The following DAB1 variants were observed in gnomAD, a reference collection of about 807,000 sequenced individuals.
The protein encoded by DAB1 is DAB adaptor protein 1, also known as disabled homolog 1.
DAB1 carries 15 observed loss-of-function variants against 64.6 expected under a neutral mutation model. The ratio of observed to expected loss-of-function variants is 0.23; its 90% CI spans 0.16 to 0.36. DAB1 has a LOEUF of 0.36. Among genes scored for constraint, DAB1 ranks in the 10% least tolerant of loss-of-function variants. The pLI, the probability that DAB1 is intolerant of heterozygous loss-of-function variation, is 1.00. For synonymous variants in DAB1, 235 were observed against 251.9 expected (o/e 0.93, Z 0.64); for missense variants, 596 against 706.7 (o/e 0.84, Z 1.78).
At chr1:57,793,588 T>C (rs1205099958) in intron 6 of DAB1, among the ~76,000 whole-genome samples, 2 of 152,162 alleles carry the variant, frequency 1.3e-5, no homozygotes, top group Non-Finnish European at 2.9e-5. Context: ...TGGTCAGTGT[T>C]GCATGGCAAG....
At chr1:57,902,162 A>AAAAAAAAAAG (rs1372182202) in intron 5 of DAB1, among the ~76,000 whole-genome samples, 3 of 151,680 alleles carry the variant, frequency 2.0e-5, no homozygotes, top group African/African-American at 7.3e-5. Flanking sequence ...GTCTCAAAAA[A>AAAAAAAAAAG]AAAAAAAAAA....
At chr1:58,319,113 G>A (rs1444133654) in intron 4 of DAB1, among the ~76,000 whole-genome samples, 1 of 152,056 alleles carries the variant, frequency 6.6e-6, no homozygotes, top group Non-Finnish European at 1.5e-5. Flanking sequence ...CTATAGTGGG[G>A]AGTGGTGTGT....
intron 5 of DAB1, among the ~76,000 whole-genome samples, chr1:57,912,273 G>T (rs536029923): frequency 1.2e-3 from 179 of 152,156 alleles, no homozygotes; most frequent in African/African-American, 4.2e-3. Flanking sequence ...ATCTAATTTC[G>T]TGGGTCTGTC....
chr1:57,653,377 T>C (rs1415340325), intron 6 of DAB1, among the ~76,000 whole-genome samples: 2 of 152,226 alleles, frequency 1.3e-5, no homozygotes, highest in East Asian at 1.9e-4. Context: ...TTTTCTAATA[T>C]TATATTTTCA....
chr1:57,857,336 C>T, intron 1 of DAB1, among the ~76,000 whole-genome samples: 1 of 152,120 alleles, frequency 6.6e-6, no homozygotes, highest in East Asian at 1.9e-4. Flanking sequence ...CTCTGAATGA[C>T]TAAATGACAC....
chr1:57,142,339 C>T (rs1443626034), intron 3 of DAB1, among the ~76,000 whole-genome samples: 1 of 152,142 alleles, frequency 6.6e-6, no homozygotes, highest in Non-Finnish European at 1.5e-5. Context: ...TTGTACTTCT[C>T]TCTTACTTTC....
At chr1:57,232,552 A>C (rs1569986806) in intron 2 of DAB1, among the ~76,000 whole-genome samples, 1 of 152,140 alleles carries the variant, frequency 6.6e-6, no homozygotes, top group East Asian at 1.9e-4. Flanking sequence ...TAACAGACTA[A>C]ATGTATCTTA....
At chr1:57,811,954 A>C (rs1338441379) in intron 6 of DAB1, among the ~76,000 whole-genome samples, 1 of 152,186 alleles carries the variant, frequency 6.6e-6, no homozygotes, top group African/African-American at 2.4e-5. Flanking sequence ...GGAAGTCACC[A>C]AAGGACTTCA....
intron 6 of DAB1, among the ~76,000 whole-genome samples, chr1:57,746,474 T>A: frequency 6.6e-6 from 1 of 152,162 alleles, no homozygotes; most frequent in Non-Finnish European, 1.5e-5. Context: ...GTTGAGAGTA[T>A]GTTTATCTGC....
intron 6 of DAB1, among the ~76,000 whole-genome samples, chr1:57,768,073 A>C (rs920049721): frequency 2.0e-5 from 3 of 147,274 alleles, no homozygotes; most frequent in Non-Finnish European, 4.5e-5. Flanking sequence ...GCTACTTGGG[A>C]GGCTGAAGTA....
At chr1:58,107,358 C>A (rs12088082) in intron 5 of DAB1, among the ~76,000 whole-genome samples, 30,444 of 149,714 alleles carry the variant, frequency 0.2, 3,365 homozygotes, top group East Asian at 0.38. Flanking sequence ...GTAATCCCCG[C>A]TACTCGGGAG....
chr1:57,322,927 C>G (rs546416700), intron 1 of DAB1, among the ~76,000 whole-genome samples: 2 of 152,086 alleles, frequency 1.3e-5, no homozygotes, highest in East Asian at 1.9e-4. Flanking sequence ...TTCTAAAGAC[C>G]CTCAGGTTTC....
intron 4 of DAB1, among the ~76,000 whole-genome samples, chr1:57,116,480 A>AAAAG (rs71659658): frequency 0.17 from 21,934 of 127,794 alleles, 3,085 homozygotes; most frequent in East Asian, 0.7. Context: ...AAAAAAAAAA[A>AAAAG]AAAGAAAGAA....
At chr1:57,501,125 T>C (rs1357221310) in intron 7 of DAB1, among the ~76,000 whole-genome samples, 1 of 152,210 alleles carries the variant, frequency 6.6e-6, no homozygotes, top group African/African-American at 2.4e-5. Flanking sequence ...TCTTGTGACT[T>C]GTTTTGAACA....
At chr1:57,825,540 C>A (rs114296348), downstream of DAB1, among the ~76,000 whole-genome samples, 366 of 152,234 alleles carry the variant, frequency 2.4e-3, 2 homozygotes, top group African/African-American at 8.2e-3. Context: ...GTGTTAAGGG[C>A]AGGAGGAAGG....
intron 7 of DAB1, among the ~76,000 whole-genome samples, chr1:57,500,559 C>T (rs1442433680): frequency 6.6e-6 from 1 of 152,092 alleles, no homozygotes; most frequent in Admixed American, 6.5e-5. Context: ...ATATTGTTAG[C>T]CATCAGGAAA....
chr1:58,037,681 C>A (rs1412028709), intron 5 of DAB1, among the ~76,000 whole-genome samples: 4 of 151,550 alleles, frequency 2.6e-5, no homozygotes, highest in African/African-American at 9.7e-5. Context: ...CAAAACCAGT[C>A]CCTGGTGCCA....
intron 1 of DAB1, among the ~76,000 whole-genome samples, chr1:58,531,551 AT>A (rs1356658951): frequency 6.6e-6 from 1 of 152,236 alleles, no homozygotes; most frequent in Non-Finnish European, 1.5e-5. Context: ...AATAGCAGTC[AT>A]TACTTGAATG....
intron 5 of DAB1, among the ~76,000 whole-genome samples, chr1:58,141,398 A>G (rs1352536051): frequency 2.0e-5 from 3 of 152,142 alleles, no homozygotes; most frequent in Admixed American, 6.5e-5. Context: ...ACAGCATGGG[A>G]AAAACCTGCC....
Sources: allele counts gnomAD v4.1 joint callset (sites outside exome capture counted in the v4.1 genomes callset), GRCh38; gene constraint gnomAD v4.1.1; transcripts MANE v1.5; gene names NCBI Gene and HGNC (gene_info 2026-07-23, HGNC 2026-07-21).